Variants in SLC38A8 observed in about 807,000 individuals in gnomAD.
SLC38A8 encodes the protein solute carrier family 38 member 8.
Under a neutral mutation model 46.0 loss-of-function variants are expected in SLC38A8, and 65 were observed. The observed-to-expected ratio is 1.41, with a 90% confidence interval of 1.16 to 1.74. The LOEUF is 1.74. Ranked by LOEUF, SLC38A8 falls within the 40% of genes most tolerant of loss-of-function variation. The probability of loss-of-function intolerance (pLI) is 0.00; values close to 1 mark genes in which losing one functional copy is unlikely to be tolerated. For synonymous variants in SLC38A8, 447 were observed against 243.7 expected, an observed-to-expected ratio of 1.83 and a Z score of -7.77; for missense variants, 998 against 567.9, an observed-to-expected ratio of 1.76 and a Z score of -7.70.
intron 3 of SLC38A8, among the ~76,000 whole-genome samples, chr16:84,036,311 G>T (rs1221094435): frequency 6.6e-6 from 1 of 152,236 alleles, no homozygotes; most frequent in African/African-American, 2.4e-5. Context: ...TGCTTAGAGG[G>T]AAAGTCTTAG....
intron 10 of SLC38A8, among the ~76,000 whole-genome samples, chr16:84,012,283 A>T (rs1230266480): frequency 6.6e-6 from 1 of 152,214 alleles, no homozygotes; most frequent in Non-Finnish European, 1.5e-5. Flanking sequence ...TCACGTGTAC[A>T]TCGTCCTCTT....
chr16:84,038,086 G>A (rs532899011), intron 2 of SLC38A8, among the ~76,000 whole-genome samples: 2 of 151,928 alleles, frequency 1.3e-5, no homozygotes, highest in African/African-American at 2.4e-5. Context: ...CAAGGCGGGA[G>A]GATCACCTGA....
chr16:84,042,177 G>A lies in SLC38A8; in HGVS notation c.-2-18C>T, dbSNP rs766783102. On this transcript the variant is annotated intron_variant, in intron 1 of 10. Transcript: ENST00000299709. ...CTCCATGGCTAGAGGCGGCAGAGGG[G>A]TGGAGAGAAAGCACAGTCTTCACGC... The A allele has an allele frequency of 9.4e-6, 15 of 1,596,190 alleles. No individual in the cohort carries two copies. The highest frequency in any genetic ancestry group is 2.2e-5 in the East Asian group (1 of 44,702).
chr16:84,012,277 G>A (rs768409570), intron 10 of SLC38A8, among the ~76,000 whole-genome samples: 4 of 152,202 alleles, frequency 2.6e-5, no homozygotes, highest in African/African-American at 4.8e-5. Context: ...CATCATTCAC[G>A]TGTACATCGT....
chr16:84,020,017 G>A (rs1249216575), intron 7 of SLC38A8, among the ~76,000 whole-genome samples: 2 of 152,252 alleles, frequency 1.3e-5, no homozygotes, highest in Non-Finnish European at 2.9e-5. Flanking sequence ...GGCAGGTGTT[G>A]CACGTTGCTG....
At chr16:84,020,366 G>A (rs536632426) in intron 7 of SLC38A8, among the ~76,000 whole-genome samples, 13 of 152,146 alleles carry the variant, frequency 8.5e-5, no homozygotes, top group East Asian at 1.9e-4. Flanking sequence ...GGCTGGCCTC[G>A]AACTCCTGGC....
At chr16:84,019,616 C>G (rs1335289517) in intron 7 of SLC38A8, among the ~76,000 whole-genome samples, 1 of 152,198 alleles carries the variant, frequency 6.6e-6, no homozygotes, top group Non-Finnish European at 1.5e-5. Flanking sequence ...TCATATCCTC[C>G]TCGCAGATAA....
At chr16:84,040,480 T>TG (rs2085355378) in intron 2 of SLC38A8, among the ~76,000 whole-genome samples, 3 of 152,172 alleles carry the variant, frequency 2.0e-5, no homozygotes, top group Middle Eastern at 3.2e-3. Context: ...CTGTGTGAAA[T>TG]GCCTGCACGG....
At chr16:84,024,062 C>T (rs1425454531) in intron 6 of SLC38A8, among the ~76,000 whole-genome samples, 1 of 152,210 alleles carries the variant, frequency 6.6e-6, no homozygotes, top group African/African-American at 2.4e-5. Context: ...GGGTGTTGTG[C>T]AGTGTCCCTG....
rs2085305628 is a variant in SLC38A8, at chr16:84,036,849, C to G, written c.241G>C (p.Ala81Pro). ...SGLVILGYAAAVSGQATYQGV... is the reference protein window; with the variant it reads ...SGLVILGYAAPVSGQATYQGV... ...TGGTAGGTGGCCTGGCCACTGACAG[C>G]AGCAGCATAGCCCAGGATGACCAGC... Residue 81 changes from alanine (A) to proline (P), a missense_variant, in exon 3 of 11, where the codon GCT becomes CCT. By Grantham distance (27) the Ala-to-Pro change is conservative. Coordinates refer to ENST00000299709, the MANE Select transcript of SLC38A8 (RefSeq NM_001080442.3). 6.2e-7 allele frequency: 1 copy of G among 1,613,774 alleles called. No individual in the cohort carries two copies. Among genetic ancestry groups the G allele is most frequent in the East Asian group, 2.2e-5 (1 of 44,880 alleles).
At chr16:84,026,784 C>G (rs1026172087) in intron 6 of SLC38A8, among the ~76,000 whole-genome samples, 1 of 152,182 alleles carries the variant, frequency 6.6e-6, no homozygotes, top group Non-Finnish European at 1.5e-5. Context: ...GGGAGGGAAG[C>G]CTGTCTTAAA....
chr16:84,018,611 C>T (rs1390127656), intron 7 of SLC38A8, among the ~76,000 whole-genome samples: 1 of 152,132 alleles, frequency 6.6e-6, no homozygotes, highest in Non-Finnish European at 1.5e-5. Flanking sequence ...CTGCCCCATG[C>T]CTGCCTCTTA....
At chr16:84,021,825 G>C (rs1215468102) in intron 7 of SLC38A8, among the ~76,000 whole-genome samples, 2 of 152,204 alleles carry the variant, frequency 1.3e-5, no homozygotes, top group Non-Finnish European at 2.9e-5. Flanking sequence ...AGAAGTCCAG[G>C]ATCAAGAGGC....
At chr16:84,013,477 C>G (rs1316246134) in intron 9 of SLC38A8, among the ~76,000 whole-genome samples, 1 of 125,250 alleles carries the variant, frequency 8.0e-6, no homozygotes, top group African/African-American at 3.0e-5. Flanking sequence ...TGCTGCCAGG[C>G]TGGAGTGCAG....
intron 4 of SLC38A8, among the ~76,000 whole-genome samples, chr16:84,032,530 G>A (rs1429864352): frequency 6.6e-6 from 1 of 152,186 alleles, no homozygotes; most frequent in Admixed American, 6.5e-5. Context: ...GATGGCAGCT[G>A]TAATAGTGTT....
chr16:84,018,488 G>A (rs1304468066), intron 7 of SLC38A8, among the ~76,000 whole-genome samples: 1 of 151,982 alleles, frequency 6.6e-6, no homozygotes, highest in Non-Finnish European at 1.5e-5. Flanking sequence ...CAAAGTGCTG[G>A]GATTACAGGC....
intron 9 of SLC38A8, among the ~76,000 whole-genome samples, chr16:84,013,437 T>G (rs868674936): frequency 1.4e-4 from 18 of 132,930 alleles, no homozygotes; most frequent in African/African-American, 3.2e-4. Flanking sequence ...TTTTTTTTTT[T>G]TTTTTTTTTT....
chr16:84,024,013 G>A (rs990805950), intron 6 of SLC38A8, among the ~76,000 whole-genome samples: 1 of 152,218 alleles, frequency 6.6e-6, no homozygotes, highest in Non-Finnish European at 1.5e-5. Flanking sequence ...TGTCTGGTGT[G>A]GGTTAACTCT....
At chr16:84,040,570 G>A (rs2085356164) in intron 2 of SLC38A8, among the ~76,000 whole-genome samples, 1 of 152,114 alleles carries the variant, frequency 6.6e-6, no homozygotes, top group South Asian at 2.1e-4. Context: ...CTACCCCCAA[G>A]CCCCACCTGC....
Sources: allele counts gnomAD v4.1 joint callset (sites outside exome capture counted in the v4.1 genomes callset), GRCh38; gene constraint gnomAD v4.1.1; transcripts MANE v1.5; gene names NCBI Gene and HGNC (gene_info 2026-07-23, HGNC 2026-07-21).